Variants in ADRA1D observed in about 807,000 individuals in gnomAD.
The protein encoded by ADRA1D is adrenoceptor alpha 1D, also known as alpha-1D adrenergic receptor.
A neutral mutation model predicts 18.6 loss-of-function variants in ADRA1D; 22 were observed. The observed-to-expected ratio is 1.19, with a 90% CI of 0.85 to 1.69. The LOEUF (loss-of-function observed/expected upper bound fraction) is 1.69. ADRA1D is among the 40% of genes most tolerant of loss of function. ADRA1D has a pLI of 0.00. For missense variants in ADRA1D, 840 were observed against 840.7 expected, an observed-to-expected ratio of 1.00 and a Z score of 0.01; for synonymous variants, 376 against 388.2, an observed-to-expected ratio of 0.97 and a Z score of 0.37.
intron 1 of ADRA1D, among the ~76,000 whole-genome samples, chr20:4,243,647 T>C (rs1393200403): frequency 6.6e-6 from 1 of 151,744 alleles, no homozygotes; most frequent in Non-Finnish European, 1.5e-5. Flanking sequence ...CAACTGGGCA[T>C]CACCACGGAA....
intron 1 of ADRA1D, 125 bp downstream of exon 1, chr20:4,247,722 A>T (rs1981367712): frequency 8.9e-7 from 1 of 1,126,532 alleles, no homozygotes; most frequent in African/African-American, 1.6e-5. Flanking sequence ...GCCTCTTAGG[A>T]GACTCAGGAC....
In ADRA1D at chr20:4,248,064, C is replaced by G. The variant is rs778822406; in HGVS notation, c.894G>C (p.Lys298Asn). The change falls in exon 1 of 2, where the codon AAG (lysine) becomes AAC (asparagine). Residue 298 changes from lysine to asparagine, a missense_variant. Transcript: ENST00000379453. Reference sequence around the variant, plus strand: ...GGATGCGCAGCACCACCTCGGAGGCCTTGCCTCGCTCGCGCTTGACGCCCG... The same window carrying G: ...GGATGCGCAGCACCACCTCGGAGGCGTTGCCTCGCTCGCGCTTGACGCCCG... Reference protein sequence around the residue: ...LEAGVKRERGKASEVVLRIHC... With the variant: ...LEAGVKRERGNASEVVLRIHC... The G allele has an allele frequency of 6.4e-7, 1 of 1,550,736 alleles. No individual in the cohort carries two copies. Among genetic ancestry groups the G allele is most frequent in the South Asian group, 1.2e-5 (1 of 84,196 alleles).
At chr20:4,240,516 G>A (rs1484308541) in intron 1 of ADRA1D, among the ~76,000 whole-genome samples, 2 of 151,870 alleles carry the variant, frequency 1.3e-5, no homozygotes, top group Non-Finnish European at 2.9e-5. Flanking sequence ...TACAGTGGCC[G>A]GGTGCAGTGG....
chr20:4,224,504 T>C (rs1481446661), intron 1 of ADRA1D, among the ~76,000 whole-genome samples: 1 of 152,012 alleles, frequency 6.6e-6, no homozygotes, highest in Non-Finnish European at 1.5e-5. Context: ...TCTTTCAACC[T>C]CACTCACCCT....
At chr20:4,228,214 T>A (rs959462351) in intron 1 of ADRA1D, among the ~76,000 whole-genome samples, 1 of 152,156 alleles carries the variant, frequency 6.6e-6, no homozygotes, top group East Asian at 1.9e-4. Flanking sequence ...GTAGGGAGAC[T>A]CATCCAGCCA....
chr20:4,227,852 C>G (rs1338400685), intron 1 of ADRA1D, among the ~76,000 whole-genome samples: 1 of 151,776 alleles, frequency 6.6e-6, no homozygotes, highest in East Asian at 1.9e-4. Flanking sequence ...GGTGATCCGC[C>G]TGCCTTGGCC....
At chr20:4,231,651 T>C (rs1426288083) in intron 1 of ADRA1D, among the ~76,000 whole-genome samples, 2 of 152,164 alleles carry the variant, frequency 1.3e-5, no homozygotes, top group Non-Finnish European at 2.9e-5. Flanking sequence ...TTTTATGTAG[T>C]TCTCGATGAA....
intron 1 of ADRA1D, among the ~76,000 whole-genome samples, chr20:4,238,042 G>GT (rs1471014030): frequency 6.8e-6 from 1 of 147,130 alleles, no homozygotes; most frequent in Non-Finnish European, 1.5e-5. Flanking sequence ...GAGGTCAGGA[G>GT]TTTGAGACCA....
chr20:4,243,540 A>G (rs895641494), intron 1 of ADRA1D, among the ~76,000 whole-genome samples: 7 of 152,182 alleles, frequency 4.6e-5, no homozygotes, highest in African/African-American at 1.7e-4. Context: ...TCCAAAGTGG[A>G]GCATCTCTGA....
In ADRA1D at chr20:4,221,687, G is replaced by A. The variant is rs1214859330; in HGVS notation, c.1555C>T (p.His519Tyr). Residue 519 changes from histidine to tyrosine, a missense_variant, in exon 2 of 2, where the codon CAC becomes TAC. By Grantham distance (83) the His-to-Tyr change is moderately conservative (BLOSUM62 2). Coordinates refer to ENST00000379453, the MANE Select transcript of ADRA1D (RefSeq NM_000678.4). ...QLRAKVSSLSHKIRAGGAQRA... is the reference protein window; with the variant it reads ...QLRAKVSSLSYKIRAGGAQRA... ...TGCGCGCCCCCGGCGCGGATCTTGT[G>A]CGACAGGCTGGAGACTTTGGCGCGC... The A allele has an allele frequency of 3.7e-6, 6 of 1,612,056 alleles. No homozygotes were observed. Among genetic ancestry groups the A allele is most frequent in the Non-Finnish European group, 5.1e-6 (6 of 1,179,590 alleles).
chr20:4,221,535 C>G lies in ADRA1D; in HGVS notation c.1707G>C (p.Glu569Asp). The change falls in exon 2 of 2, where the codon GAG becomes GAC. Residue 569 changes from glutamate (E) to aspartate (D), a missense_variant. By Grantham distance (45) the Glu-to-Asp change is conservative. Transcript: ENST00000379453. ...AGCTCTGGGGTCCTTAAATATCGGT[C>G]TCCCGTAGGTTGCTGTAGTCGGCCA... ...YELADYSNLR[E>D]TDI The G allele has an allele frequency of 2.5e-6, 4 of 1,604,648 alleles. No homozygotes were observed. Among genetic ancestry groups the G allele is most frequent in the Non-Finnish European group, 3.4e-6 (4 of 1,172,692 alleles).
rs1980693073 is a variant in ADRA1D at position 4,222,327 on chromosome 20, T to A, written c.1112-197A>T. ...ATAATTGTTTTCACTCACCTCTACC[T>A]GATATTGAGGATTACCTTCAATGAA... On this transcript the variant is annotated intron_variant, in intron 1 of 1. Transcript: ENST00000379453. This position sits in a 1 kb window ranked among gnomAD's most constrained non-coding sequence, Gnocchi z 4.3. 4.4e-6 allele frequency: 3 copies of A among 678,690 alleles called. No individual in the cohort carries two copies. The highest frequency in any genetic ancestry group is 4.3e-4 in the Middle Eastern group (1 of 2,350). The allele number at this position is 678,690 out of a possible 1,614,324, so 42.0% of individuals were successfully genotyped here. A position where few individuals can be genotyped will look rare whatever the true frequency, so the allele number is the denominator to read the frequency against.
At chr20:4,238,074 C>G (rs891663686) in intron 1 of ADRA1D, among the ~76,000 whole-genome samples, 30 of 149,494 alleles carry the variant, frequency 2.0e-4, no homozygotes, top group Non-Finnish European at 3.3e-4. Context: ...ATGGTGAAAC[C>G]CCCCCCGTCT....
intron 1 of ADRA1D, among the ~76,000 whole-genome samples, chr20:4,241,380 T>C (rs116110903): frequency 1.3e-5 from 2 of 152,222 alleles, no homozygotes; most frequent in Non-Finnish European, 2.9e-5. Context: ...TAGTTAATGA[T>C]ATGATATTTA....
rs532837137 is a variant in ADRA1D at position 4,221,062 on chromosome 20, A to G, written c.*461T>C. 6.5e-6 allele frequency: 1 copy of G among 153,788 alleles called. No homozygotes were observed. Among genetic ancestry groups the G allele is most frequent in the Middle Eastern group, 3.3e-3 (1 of 300 alleles). 9.5% of individuals were successfully genotyped at this position (153,788 alleles called of 1,614,324 possible). On this transcript the variant is annotated 3_prime_UTR_variant, in exon 2 of 2. Transcript: ENST00000379453. ...CTGGGTTCCTCCAGTTGGCAGTAAG[A>G]AGGAGAAATTTGTCCACTGAGGAGC...
chr20:4,227,082 A>G (rs1179547921), intron 1 of ADRA1D, among the ~76,000 whole-genome samples: 1 of 152,216 alleles, frequency 6.6e-6, no homozygotes, highest in African/African-American at 2.4e-5. Context: ...GAAATGGGGA[A>G]CTGCCCCAAG....
In ADRA1D at chr20:4,222,808, T is replaced by G. The variant is rs1980704784; in HGVS notation, c.1112-678A>C. Among the ~76,000 whole-genome samples the G allele has an allele frequency of 6.6e-6, 1 of 152,228 alleles. No individual in the cohort carries two copies. Among genetic ancestry groups the G allele is most frequent in the African/African-American group, 2.4e-5 (1 of 41,460 alleles). The stretch of plus-strand genomic sequence containing the variant: ...GTACATATGGAACCCGCGCTACCTA[T>G]ATATAAACAGTAGATTAAACTACTG... On this transcript the variant is annotated intron_variant, in intron 1 of 1. Coordinates refer to ENST00000379453, the MANE Select transcript of ADRA1D (RefSeq NM_000678.4). This position sits in a 1 kb window ranked among gnomAD's most constrained non-coding sequence, Gnocchi z 4.3.
At chr20:4,228,258 G>A (rs1980868755) in intron 1 of ADRA1D, among the ~76,000 whole-genome samples, 1 of 152,130 alleles carries the variant, frequency 6.6e-6, no homozygotes, top group Non-Finnish European at 1.5e-5. Flanking sequence ...GTCGCTCCTT[G>A]AACACGCTTG....
Position 4,247,876 on chromosome 20 carries a change from C to G in ADRA1D, c.1082G>C (p.Trp361Ser). The G allele has an allele frequency of 1.3e-6, 2 of 1,577,054 alleles. No individual in the cohort carries two copies. Among genetic ancestry groups the G allele is most frequent in the Non-Finnish European group, 1.7e-6 (2 of 1,163,486 alleles). Residue 361 changes from tryptophan (W) to serine (S), a missense_variant, in exon 1 of 2, where the codon TGG becomes TCG. By Grantham distance (177) the Trp-to-Ser change is radical. Transcript: ENST00000379453. ...AIVVGVFVLC[W>S]FPFFFVLPLG... is the part of the protein sequence containing the mutation. ...CGGCAGGACAAAGAAGAAAGGGAAC[C>G]AGCAGAGCACGAAGACACCCACGAC...
Sources: gnomAD v4.1 joint callset for allele counts (sites outside exome capture counted in the v4.1 genomes callset) on GRCh38, gnomAD v4.1.1 for gene constraint, Gnocchi (gnomAD v3.1) non-coding constraint, MANE v1.5 for transcripts, NCBI Gene and HGNC (gene_info 2026-07-23, HGNC 2026-07-21) for gene names.